Variants in SLC45A2 observed in about 807,000 individuals in gnomAD.
SLC45A2 encodes membrane-associated transporter protein.
SLC45A2 carries 36 observed loss-of-function variants against 45.5 expected under a neutral mutation model. The observed-to-expected ratio is 0.79, with a 90% CI of 0.61 to 1.04. The LOEUF (loss-of-function observed/expected upper bound fraction) is 1.04. Among genes scored for constraint, SLC45A2 ranks in the 50% least tolerant of loss-of-function variants. The probability of loss-of-function intolerance (pLI) is 0.00; values close to 1 mark genes in which losing one functional copy is unlikely to be tolerated. For synonymous variants in SLC45A2, 306 were observed against 269.3 expected (o/e 1.14, Z -1.33); for missense variants, 719 against 671.0 (o/e 1.07, Z -0.79).
intron 2 of SLC45A2, among the ~76,000 whole-genome samples, chr5:33,966,431 T>C (rs933418364): frequency 1.0e-4 from 14 of 140,154 alleles, no homozygotes; most frequent in African/African-American, 3.0e-4. Context: ...TACTTTCTTT[T>C]TTTTTTTTTT....
chr5:33,949,689 T>G (rs1752040013), intron 5 of SLC45A2, among the ~76,000 whole-genome samples: 1 of 152,202 alleles, frequency 6.6e-6, no homozygotes, highest in African/African-American at 2.4e-5. Flanking sequence ...CCCATAGATT[T>G]ATACATTAAT....
rs1561357043 is a variant in SLC45A2 at position 33,951,641 on chromosome 5, AGTTGTGTGCACTATAGGGATCCCCGCG to A, written c.1042_1068del (p.Arg348_Asn356del). 1 of 1,614,208 alleles carries A rather than the reference AGTTGTGTGCACTATAGGGATCCCCGCG, an allele frequency of 6.2e-7. No individual in the cohort carries two copies. Among genetic ancestry groups the A allele is most frequent in the African/African-American group, 1.3e-5 (1 of 75,056 alleles). On this transcript the variant is annotated inframe_deletion, in exon 5 of 7. Coordinates refer to ENST00000296589, the MANE Select transcript of SLC45A2 (RefSeq NM_016180.5). ...CTTTCGTAGATGAGAAACTCTGTGG[AGTTGTGTGCACTATAGGGATCCCCGCG>A]GTACACAATCTGAAAGAGAGATTGG...
chr5:33,982,170 T>A, intron 2 of SLC45A2, 66 bp downstream of exon 2: 1 of 1,575,142 alleles, frequency 6.3e-7, no homozygotes. Flanking sequence ...AGACACTGGA[T>A]GGCTTTAGTG....
intron 2 of SLC45A2, among the ~76,000 whole-genome samples, chr5:33,973,189 A>T (rs889212920): frequency 1.3e-4 from 20 of 152,326 alleles, no homozygotes; most frequent in Non-Finnish European, 2.2e-4. Flanking sequence ...GGGAGGACAA[A>T]GTCCCCCAGA....
rs150033963 is a variant in SLC45A2, at chr5:33,982,350, C to T, written c.448G>A (p.Val150Ile). Residue 150 changes from valine (V) to isoleucine (I), a missense_variant, in exon 2 of 7, where the codon GTT (valine) becomes ATT (isoleucine). Transcript: ENST00000296589. Reference protein sequence around the residue: ...WAISVTMIGVVLFDFAADFID... With the variant: ...WAISVTMIGVILFDFAADFID... ...AAGTCGGCAGCAAAATCAAAGAGAA[C>T]GACACCTATCATGGTGACACTTATG... The T allele has an allele frequency of 1.9e-5, 30 of 1,614,002 alleles. No homozygotes were observed. Among genetic ancestry groups the T allele is most frequent in the African/African-American group, 4.0e-5 (3 of 74,892 alleles).
At chr5:33,964,109 T>G (rs981942393) in intron 2 of SLC45A2, 93 bp from the exon 3 acceptor site, 2 of 1,287,920 alleles carry the variant, frequency 1.6e-6, no homozygotes, top group Non-Finnish European at 2.2e-6. Flanking sequence ...GAAAACTCCC[T>G]GAAGACAGCA....
At chr5:33,959,022 C>T (rs976130217) in intron 3 of SLC45A2, among the ~76,000 whole-genome samples, 4 of 152,168 alleles carry the variant, frequency 2.6e-5, no homozygotes, top group Non-Finnish European at 5.9e-5. Flanking sequence ...CAAATCACCA[C>T]ATTATTTTTT....
At chr5:33,949,925 T>G (rs994423245) in intron 5 of SLC45A2, among the ~76,000 whole-genome samples, 4 of 152,094 alleles carry the variant, frequency 2.6e-5, no homozygotes, top group African/African-American at 9.7e-5. Flanking sequence ...TAGTGCCTCA[T>G]GCCTGTAATC....
intron 2 of SLC45A2, chr5:33,971,021 G>A: frequency 2.0e-6 from 1 of 497,954 alleles, no homozygotes; most frequent in East Asian, 5.9e-5. Flanking sequence ...AAAAAGTGTT[G>A]GGCAGATTGT....
intron 1 of SLC45A2, 143 bp downstream of exon 1, chr5:33,984,056 T>C (rs939046064): frequency 1.3e-4 from 156 of 1,162,906 alleles, no homozygotes; most frequent in Admixed American, 5.7e-4. Flanking sequence ...GCCAAATTTG[T>C]CAAAGGGGAA....
At chr5:33,961,530 C>G (rs1447164354) in intron 3 of SLC45A2, among the ~76,000 whole-genome samples, 1 of 152,166 alleles carries the variant, frequency 6.6e-6, no homozygotes, top group Non-Finnish European at 1.5e-5. Flanking sequence ...CCCCCAAAAT[C>G]TCTATTCAAA....
intron 2 of SLC45A2, among the ~76,000 whole-genome samples, chr5:33,975,193 T>C (rs557532427): frequency 1.1e-3 from 163 of 152,344 alleles, no homozygotes; most frequent in African/African-American, 3.8e-3. Flanking sequence ...TCAGTGCTGG[T>C]CATGAGACAA....
intron 2 of SLC45A2, among the ~76,000 whole-genome samples, chr5:33,979,236 G>C (rs181405584): frequency 2.4e-4 from 37 of 152,220 alleles, no homozygotes; most frequent in Non-Finnish European, 5.3e-4. Context: ...GTCTGGAAAG[G>C]CAGGACAAAT....
intron 5 of SLC45A2, among the ~76,000 whole-genome samples, chr5:33,948,087 T>G (rs1751992139): frequency 6.6e-6 from 1 of 152,150 alleles, no homozygotes; most frequent in Admixed American, 6.5e-5. Context: ...AAAACCATCT[T>G]TTGGAGTTGT....
At chr5:33,958,463 T>C (rs1039612144) in intron 3 of SLC45A2, among the ~76,000 whole-genome samples, 3 of 152,166 alleles carry the variant, frequency 2.0e-5, no homozygotes, top group Non-Finnish European at 2.9e-5. Flanking sequence ...GAGAGTAAGA[T>C]GCATTACTCT....
intron 3 of SLC45A2, among the ~76,000 whole-genome samples, chr5:33,955,333 G>A (rs1191148860): frequency 1.3e-5 from 2 of 152,202 alleles, no homozygotes; most frequent in African/African-American, 4.8e-5. Flanking sequence ...TTCCAGATGA[G>A]AATACAGCTC....
At chr5:33,957,749 A>T (rs371836359) in intron 3 of SLC45A2, among the ~76,000 whole-genome samples, 9 of 152,248 alleles carry the variant, frequency 5.9e-5, no homozygotes, top group East Asian at 5.8e-4. Flanking sequence ...AAAAATGCAA[A>T]ACTGAGAAAG....
chr5:33,945,329 T>C (rs924350150), intron 6 of SLC45A2, among the ~76,000 whole-genome samples: 1 of 152,252 alleles, frequency 6.6e-6, no homozygotes, highest in Non-Finnish European at 1.5e-5. Context: ...TATCCCATTC[T>C]TTTCCTTTCT....
rs146908774 is a variant in SLC45A2 at position 33,972,675 on chromosome 5, T to C, written c.563-8659A>G. On this transcript the variant is annotated intron_variant, in intron 2 of 6. Coordinates refer to ENST00000296589, the MANE Select transcript of SLC45A2 (RefSeq NM_016180.5). ...AAAAGACATTGGCTTAATGTGAAAG[T>C]GAAGTTAAAGAAAATACTATACGTA... The C allele has an allele frequency of 2.0e-5, 3 of 153,276 alleles. No individual in the cohort carries two copies. In the East Asian group the frequency reaches 5.8e-4, roughly 29 times the overall value. 9.5% of individuals were successfully genotyped at this position (153,276 alleles called of 1,614,324 possible).
Sources: gnomAD v4.1 joint callset for allele counts (sites outside exome capture counted in the v4.1 genomes callset) on GRCh38, gnomAD v4.1.1 for gene constraint, MANE v1.5 for transcripts, NCBI Gene and HGNC (gene_info 2026-07-23, HGNC 2026-07-21) for gene names.